The following CUTC variants were observed in gnomAD, a reference collection of about 807,000 sequenced individuals.
CUTC encodes the protein cutC copper transporter, also known as copper homeostasis protein cutC homolog.
CUTC carries 27 observed loss-of-function variants against 36.2 expected under a neutral mutation model. That is an observed-to-expected ratio of 0.75 (90% CI 0.55 to 1.03). The LOEUF is 1.03. Ranked by LOEUF, CUTC falls within the 50% of genes least tolerant of loss-of-function variation. The pLI is 0.00. For synonymous variants in CUTC, 114 were observed against 118.3 expected, an observed-to-expected ratio of 0.96 and a Z score of 0.24; for missense variants, 315 against 343.5, an observed-to-expected ratio of 0.92 and a Z score of 0.66.
intron 6 of CUTC, among the ~76,000 whole-genome samples, chr10:99,749,067 T>C (rs1020706423): frequency 1.3e-5 from 2 of 152,130 alleles, no homozygotes; most frequent in African/African-American, 4.8e-5. Context: ...GCCATAGTAA[T>C]GTATTGCATT....
At chr10:99,733,023 C>G (rs564442940) in intron 1 of CUTC, among the ~76,000 whole-genome samples, 101 of 152,316 alleles carry the variant, frequency 6.6e-4, no homozygotes, top group African/African-American at 2.3e-3. Flanking sequence ...TGGATTACAT[C>G]TATCTATTTT....
Position 99,743,150 on chromosome 10 carries a change from T to G in CUTC, c.194-3T>G. 1 of 1,613,210 alleles carries G rather than the reference T, an allele frequency of 6.2e-7. No individual in the cohort carries two copies. The highest frequency in any genetic ancestry group is 8.5e-7 in the Non-Finnish European group (1 of 1,179,178). On this transcript the variant is annotated splice_region_variant and splice_polypyrimidine_tract_variant and intron_variant, in intron 3 of 8. Transcript: ENST00000370476. The stretch of plus-strand genomic sequence containing the variant: ...AATTTTAATCTGCTTTCTTTTCTTG[T>G]AGGTGTCCTTCAAGTAGTGAAGCAG...
Position 99,747,550 on chromosome 10 carries a change from A to C in CUTC, c.573+160A>C, listed in dbSNP as rs2037387757. Reference sequence around the variant, plus strand: ...TGTATATAATTCTTATTTCTTTCACACAAGCCTTTTTAATAACCAAGGCTT... The same window carrying C: ...TGTATATAATTCTTATTTCTTTCACCCAAGCCTTTTTAATAACCAAGGCTT... On this transcript the variant is annotated intron_variant, in intron 6 of 8. Coordinates refer to ENST00000370476, the MANE Select transcript of CUTC (RefSeq NM_015960.3). The C allele has an allele frequency of 4.7e-5, 35 of 742,478 alleles. No homozygotes were observed. The South Asian group carries it at 7.6e-4, about 16-fold the overall frequency. The allele number at this position is 742,478 out of a possible 1,614,324, so 46.0% of individuals were successfully genotyped here.
intron 6 of CUTC, among the ~76,000 whole-genome samples, chr10:99,749,709 C>A (rs757318435): frequency 3.3e-5 from 5 of 152,098 alleles, no homozygotes; most frequent in Non-Finnish European, 7.4e-5. Flanking sequence ...ATTTCCCTAA[C>A]AATTTTTAAA....
intron 6 of CUTC, 150 bp downstream of exon 6, chr10:99,747,540 T>C: frequency 2.5e-6 from 2 of 798,318 alleles, no homozygotes; most frequent in Non-Finnish European, 3.9e-6. Flanking sequence ...ATAATTCTTA[T>C]TTCTTTCACA....
chr10:99,740,018 T>G (rs1362455244), intron 3 of CUTC, among the ~76,000 whole-genome samples: 1 of 152,234 alleles, frequency 6.6e-6, no homozygotes, highest in East Asian at 1.9e-4. Context: ...ACATCAAGGA[T>G]TAGGCTTTTA....
chr10:99,741,626 G>A (rs2037341685), intron 3 of CUTC, among the ~76,000 whole-genome samples: 1 of 151,484 alleles, frequency 6.6e-6, no homozygotes, highest in Non-Finnish European at 1.5e-5. Context: ...CTGAAGTGGT[G>A]TGACCATAGC....
At position 99,732,372 on chromosome 10, in the gene CUTC, T is replaced by C. The variant is rs941623387; in HGVS notation, c.24T>C (p.Ser8=). Reference sequence around the variant, plus strand: ...GCATGAAAAGGCAGGGGGCCTCCTCTGAGCGAAAACGAGCGCGGATACCGT... The same window carrying C: ...GCATGAAAAGGCAGGGGGCCTCCTCCGAGCGAAAACGAGCGCGGATACCGT... MKRQGAS[S]ERKRARIPSG... The change falls in exon 1 of 9, where the codon TCT becomes TCC. Residue 8 remains serine, a synonymous_variant. Transcript: ENST00000370476. 1.3e-6 allele frequency: 2 copies of C among 1,553,178 alleles called. No individual in the cohort carries two copies. The highest frequency in any genetic ancestry group is 1.7e-6 in the Non-Finnish European group (2 of 1,148,200).
chr10:99,746,139 A>G (rs561115865), intron 5 of CUTC, among the ~76,000 whole-genome samples: 2 of 152,328 alleles, frequency 1.3e-5, no homozygotes, highest in South Asian at 2.1e-4. Flanking sequence ...GCACATTTTT[A>G]TTTAATCATT....
chr10:99,747,059 C>T (rs2037383104), intron 5 of CUTC, among the ~76,000 whole-genome samples, 198 bp from the exon 6 acceptor site: 1 of 152,234 alleles, frequency 6.6e-6, no homozygotes, highest in Admixed American at 6.5e-5. Flanking sequence ...CGAGCCACTG[C>T]ACCTGGCCCT....
At position 99,732,521 on chromosome 10, in the gene CUTC, A is replaced by G. The variant is rs550813748; in HGVS notation, c.61+112A>G. ...TGGAGTCGTTTCCTCAGCTCCTTCC[A>G]GCCCCTTGGGCGGCACCTTCTATCT... On this transcript the variant is annotated intron_variant, in intron 1 of 8. Coordinates refer to ENST00000370476, the MANE Select transcript of CUTC (RefSeq NM_015960.3). 2.1e-4 allele frequency: 310 copies of G among 1,511,694 alleles called. 3 individuals carry two copies. The South Asian group carries it at 3.8e-3, about 19-fold the overall frequency. 93.6% of individuals were successfully genotyped at this position (1,511,694 alleles called of 1,614,324 possible).
chr10:99,749,550 A>G (rs1413699272), intron 6 of CUTC, among the ~76,000 whole-genome samples: 2 of 151,756 alleles, frequency 1.3e-5, no homozygotes, highest in East Asian at 3.8e-4. Flanking sequence ...TTATTTCTCT[A>G]TGTTTTGGAA....
intron 1 of CUTC, 29 bp downstream of exon 1, chr10:99,732,438 T>C (rs1428482210): frequency 6.5e-7 from 1 of 1,548,814 alleles, no homozygotes; most frequent in South Asian, 1.2e-5. Flanking sequence ...GAGGGGACGG[T>C]CGGCCGAAGG....
intron 1 of CUTC, among the ~76,000 whole-genome samples, chr10:99,734,488 T>C (rs2037277740): frequency 6.6e-6 from 1 of 151,914 alleles, no homozygotes; most frequent in Non-Finnish European, 1.5e-5. Flanking sequence ...CAATATTGGG[T>C]AGAAAAAATA....
At chr10:99,739,259 T>C (rs1452734077) in intron 2 of CUTC, among the ~76,000 whole-genome samples, 1 of 152,166 alleles carries the variant, frequency 6.6e-6, no homozygotes, top group Admixed American at 6.5e-5. Context: ...ATTCTTTTGG[T>C]TTCAGCATTT....
At chr10:99,741,412 C>T (rs1056788540) in intron 3 of CUTC, among the ~76,000 whole-genome samples, 6 of 152,244 alleles carry the variant, frequency 3.9e-5, no homozygotes, top group Admixed American at 1.3e-4. Flanking sequence ...CCAGGCCTTG[C>T]GTAGTTTCTT....
At chr10:99,737,235 TCTAG>T (rs902934599) in intron 2 of CUTC, among the ~76,000 whole-genome samples, 2 of 150,892 alleles carry the variant, frequency 1.3e-5, no homozygotes. Flanking sequence ...ACCACTGCAC[TCTAG>T]CCTGGGTGAC....
At chr10:99,737,915 G>A (rs978693189) in intron 2 of CUTC, among the ~76,000 whole-genome samples, 13 of 152,092 alleles carry the variant, frequency 8.5e-5, no homozygotes, top group Non-Finnish European at 1.6e-4. Context: ...TTGGGAGGCC[G>A]AGGCGGGCGG....
chr10:99,754,594 T>G lies in CUTC; in HGVS notation c.667T>G (p.Cys223Gly), dbSNP rs148270236. Reference sequence around the variant, plus strand: ...GGGTTCAGGTGCTACAGAATTCCACTGTTCTGCTCGGTCTACTAGAGACTC... The same window carrying G: ...GGGTTCAGGTGCTACAGAATTCCACGGTTCTGCTCGGTCTACTAGAGACTC... ...LEGSGATEFH[C>G]SARSTRDSGM... The change falls in exon 8 of 9, where the codon TGT (cysteine) becomes GGT (glycine). Residue 223 changes from cysteine to glycine, a missense_variant. Coordinates refer to ENST00000370476, the MANE Select transcript of CUTC (RefSeq NM_015960.3). 114 of 1,613,894 alleles carry G rather than the reference T, an allele frequency of 7.1e-5. 2 individuals are homozygous for G. Among genetic ancestry groups the G allele is most frequent in the East Asian group, 5.1e-4 (23 of 44,850 alleles).
Sources: allele counts gnomAD v4.1 joint callset (sites outside exome capture counted in the v4.1 genomes callset), GRCh38; gene constraint gnomAD v4.1.1; transcripts MANE v1.5; gene names NCBI Gene and HGNC (gene_info 2026-07-23, HGNC 2026-07-21).